The following MAMDC2 variants were observed in gnomAD, a reference collection of about 807,000 sequenced individuals.
MAMDC2 encodes the protein MAM domain containing 2.
A neutral mutation model predicts 89.8 loss-of-function variants in MAMDC2; 57 were observed. The observed-to-expected ratio is 0.63, with a 90% confidence interval of 0.51 to 0.79. The LOEUF is 0.79. MAMDC2 is among the 30% of genes least tolerant of loss of function. The pLI is 0.00. For missense variants in MAMDC2, 800 were observed against 820.6 expected, an observed-to-expected ratio of 0.97 and a Z score of 0.31; for synonymous variants, 313 against 293.4, an observed-to-expected ratio of 1.07 and a Z score of -0.68.
At chr9:70,119,451 A>G (rs1406060212) in intron 5 of MAMDC2, among the ~76,000 whole-genome samples, 1 of 152,182 alleles carries the variant, frequency 6.6e-6, no homozygotes, top group African/African-American at 2.4e-5. Flanking sequence ...TACTCTCTGC[A>G]TTGATCCATT....
intron 2 of MAMDC2, among the ~76,000 whole-genome samples, chr9:70,062,350 GT>G (rs1380146692): frequency 6.6e-6 from 1 of 151,946 alleles, no homozygotes; most frequent in African/African-American, 2.4e-5. Flanking sequence ...TAGGAGCTCA[GT>G]AAATATTTTT....
intron 11 of MAMDC2, among the ~76,000 whole-genome samples, chr9:70,199,895 GTTGT>G (rs1276228005): frequency 1.3e-5 from 2 of 151,806 alleles, no homozygotes; most frequent in African/African-American, 2.4e-5. Flanking sequence ...TTTTGATGGG[GTTGT>G]TTGTTCTTTT....
At chr9:70,211,645 A>G (rs1360556344) in intron 11 of MAMDC2, among the ~76,000 whole-genome samples, 2 of 152,154 alleles carry the variant, frequency 1.3e-5, no homozygotes, top group African/African-American at 4.8e-5. Flanking sequence ...GTCATTCTCC[A>G]TCCAGCTTTG....
At chr9:70,190,095 G>T (rs2032847057) in intron 11 of MAMDC2, among the ~76,000 whole-genome samples, 1 of 152,078 alleles carries the variant, frequency 6.6e-6, no homozygotes, top group Non-Finnish European at 1.5e-5. Context: ...CTTCCTCAGG[G>T]ATAACTTCTA....
intron 2 of MAMDC2, among the ~76,000 whole-genome samples, chr9:70,048,589 G>A (rs763146001): frequency 2.0e-5 from 3 of 152,154 alleles, no homozygotes; most frequent in South Asian, 2.1e-4. Flanking sequence ...ATGAGCCACC[G>A]CGCCCAGCCA....
intron 11 of MAMDC2, among the ~76,000 whole-genome samples, chr9:70,198,208 A>G (rs2033016660): frequency 6.6e-6 from 1 of 150,412 alleles, no homozygotes; most frequent in South Asian, 2.1e-4. Flanking sequence ...AATATATAAT[A>G]TATAATAAAG....
At chr9:70,152,433 C>T (rs150526721) in intron 9 of MAMDC2, among the ~76,000 whole-genome samples, 1 of 152,226 alleles carries the variant, frequency 6.6e-6, no homozygotes, top group East Asian at 1.9e-4. Flanking sequence ...GGAAAGCAGT[C>T]CAGCGCCATT....
intron 6 of MAMDC2, among the ~76,000 whole-genome samples, chr9:70,129,481 T>C (rs2030702535): frequency 6.6e-6 from 1 of 152,152 alleles, no homozygotes. Context: ...AATACAGTGA[T>C]ATATCCAGGC....
chr9:70,197,775 ACAT>A (rs1290253260), intron 11 of MAMDC2, among the ~76,000 whole-genome samples: 1 of 152,158 alleles, frequency 6.6e-6, no homozygotes, highest in East Asian at 1.9e-4. Flanking sequence ...CCAAACACTG[ACAT>A]CATCTTCTCC....
At chr9:70,161,882 G>T (rs1459326319) in intron 9 of MAMDC2, among the ~76,000 whole-genome samples, 1 of 152,176 alleles carries the variant, frequency 6.6e-6, no homozygotes, top group Admixed American at 6.5e-5. Context: ...CTGTGCAAAT[G>T]ATTTCAAAAG....
At chr9:70,047,582 T>A (rs1826784194) in intron 2 of MAMDC2, among the ~76,000 whole-genome samples, 1 of 152,168 alleles carries the variant, frequency 6.6e-6, no homozygotes, top group Non-Finnish European at 1.5e-5. Context: ...TGTGCTACAT[T>A]TTCTTTATCC....
intron 2 of MAMDC2, among the ~76,000 whole-genome samples, chr9:70,058,565 T>C (rs1827076743): frequency 6.6e-6 from 1 of 152,190 alleles, no homozygotes; most frequent in Admixed American, 6.5e-5. Context: ...TATCCCCATT[T>C]TACGGTTGAG....
chr9:70,150,242 G>T (rs578221298), intron 9 of MAMDC2, among the ~76,000 whole-genome samples: 1 of 152,252 alleles, frequency 6.6e-6, no homozygotes, highest in South Asian at 2.1e-4. Context: ...CATTGAGAAA[G>T]GAGTTTTAAG....
chr9:70,199,362 C>T (rs1190329673), intron 11 of MAMDC2, among the ~76,000 whole-genome samples: 1 of 147,492 alleles, frequency 6.8e-6, no homozygotes, highest in Non-Finnish European at 1.5e-5. Flanking sequence ...CATCCATGTC[C>T]CTACAAAGGA....
At chr9:70,171,995 C>T (rs1322862122) in intron 11 of MAMDC2, 1 of 152,220 alleles carries the variant, frequency 6.6e-6, no homozygotes, top group East Asian at 1.9e-4. Context: ...ACCACAGAAC[C>T]ACCTCCAGTA....
chr9:70,165,605 T>G (rs1324539180), intron 9 of MAMDC2, among the ~76,000 whole-genome samples: 1 of 152,190 alleles, frequency 6.6e-6, no homozygotes, highest in African/African-American at 2.4e-5. Flanking sequence ...CGTCTGCTAT[T>G]GTCCAAAACA....
chr9:70,174,566 C>A (rs1366470256), intron 11 of MAMDC2, among the ~76,000 whole-genome samples: 3 of 152,076 alleles, frequency 2.0e-5, no homozygotes, highest in Admixed American at 1.3e-4. Flanking sequence ...CATTGCAAAG[C>A]CCCATAAGTG....
intron 9 of MAMDC2, among the ~76,000 whole-genome samples, chr9:70,158,636 T>C (rs1258717886): frequency 6.6e-6 from 1 of 152,058 alleles, no homozygotes; most frequent in Non-Finnish European, 1.5e-5. Context: ...AATAAATACA[T>C]TCAAATGTAC....
At chr9:70,176,987 G>C (rs758752257) in intron 11 of MAMDC2, among the ~76,000 whole-genome samples, 8 of 152,164 alleles carry the variant, frequency 5.3e-5, no homozygotes, top group Non-Finnish European at 1.2e-4. Context: ...CTATAATAAA[G>C]CTTAATCTAT....
Sources: gnomAD v4.1 joint callset for allele counts (sites outside exome capture counted in the v4.1 genomes callset) on GRCh38, gnomAD v4.1.1 for gene constraint, MANE v1.5 for transcripts, NCBI Gene and HGNC (gene_info 2026-07-23, HGNC 2026-07-21) for gene names.